Variants in SPATA17 observed in about 807,000 individuals in gnomAD.
The protein encoded by SPATA17 is spermatogenesis-associated protein 17.
A neutral mutation model predicts 62.2 loss-of-function variants in SPATA17; 53 were observed. The observed-to-expected ratio is 0.85, with a 90% CI of 0.68 to 1.07. SPATA17 has a LOEUF of 1.07. SPATA17 is among the 50% of genes least tolerant of loss of function. The pLI, the probability that SPATA17 is intolerant of heterozygous loss-of-function variation, is 0.00. For missense variants in SPATA17, 466 were observed against 425.5 expected (o/e 1.10, Z -0.84); for synonymous variants, 146 against 146.8 (o/e 0.99, Z 0.04).
chr1:217,775,567 G>A, intron 7 of SPATA17, among the ~76,000 whole-genome samples: 2 of 152,014 alleles, frequency 1.3e-5, no homozygotes, highest in East Asian at 3.9e-4. Flanking sequence ...GCTGGACATG[G>A]TGGTGCACCC....
chr1:217,783,971 GT>G (rs1460752982), intron 8 of SPATA17, among the ~76,000 whole-genome samples: 1 of 151,792 alleles, frequency 6.6e-6, no homozygotes, highest in African/African-American at 2.4e-5. Context: ...AAAAAACCAA[GT>G]TGCAGATGCT....
chr1:217,727,905 T>C (rs192091659), intron 5 of SPATA17, among the ~76,000 whole-genome samples: 1 of 152,316 alleles, frequency 6.6e-6, no homozygotes, highest in Admixed American at 6.5e-5. Flanking sequence ...TGTCATAAAG[T>C]TGTTTAAATG....
chr1:217,693,542 T>C lies in SPATA17; in HGVS notation c.395+10181T>C, dbSNP rs1671388591. On this transcript the variant is annotated intron_variant, in intron 5 of 10. Transcript: ENST00000366933. The stretch of plus-strand genomic sequence containing the variant: ...TTCTTGCCTTCTGCTAGCTTTTGAA[T>C]GTGTTTGCTCTTGCTTTTCTAGTTC... 2.3e-5 allele frequency among the ~76,000 whole-genome samples: 3 copies of C among 133,186 alleles called. No individual in the cohort carries two copies. The Admixed American group carries it at 2.4e-4, about 11-fold the overall frequency. 87.4% of individuals were successfully genotyped at this position (133,186 alleles called of 152,430 possible). A position where few individuals can be genotyped will look rare whatever the true frequency, so the allele number is the denominator to read the frequency against.
intron 2 of SPATA17, among the ~76,000 whole-genome samples, chr1:217,650,064 C>T (rs1288376778): frequency 6.0e-5 from 9 of 151,144 alleles, no homozygotes; most frequent in East Asian, 3.9e-4. Flanking sequence ...CTCAGCCTCT[C>T]GGGTAGCTGG....
chr1:217,665,609 C>G (rs987670309), intron 3 of SPATA17: 2 of 152,142 alleles, frequency 1.3e-5, no homozygotes, highest in African/African-American at 4.8e-5. Flanking sequence ...GGACTGGGTT[C>G]TCAGAAGTTT....
chr1:217,674,812 T>C (rs911256700), intron 4 of SPATA17, among the ~76,000 whole-genome samples: 1 of 152,304 alleles, frequency 6.6e-6, no homozygotes, highest in East Asian at 1.9e-4. Context: ...GTGGAGCAGA[T>C]GCCTGAAAGT....
At chr1:217,757,044 C>T (rs369882341) in intron 6 of SPATA17, among the ~76,000 whole-genome samples, 3 of 152,152 alleles carry the variant, frequency 2.0e-5, no homozygotes, top group South Asian at 2.1e-4. Context: ...AATGATAAAA[C>T]GGAAGATTCA....
chr1:217,682,591 T>C (rs1395407286), intron 4 of SPATA17, among the ~76,000 whole-genome samples: 1 of 152,160 alleles, frequency 6.6e-6, no homozygotes, highest in East Asian at 1.9e-4. Flanking sequence ...TCCTAATAGC[T>C]GTATAATTAT....
At chr1:217,861,236 A>T (rs1487000569) in intron 9 of SPATA17, among the ~76,000 whole-genome samples, 3 of 151,996 alleles carry the variant, frequency 2.0e-5, no homozygotes, top group African/African-American at 7.2e-5. Flanking sequence ...AATAAGAAAA[A>T]TAAAAGGTTT....
chr1:217,834,112 A>T (rs1318794531), intron 9 of SPATA17, among the ~76,000 whole-genome samples: 1 of 152,162 alleles, frequency 6.6e-6, no homozygotes, highest in Non-Finnish European at 1.5e-5. Context: ...AAGCTTAAAC[A>T]TCACGTAGAG....
At chr1:217,756,197 A>T (rs1673038057) in intron 6 of SPATA17, among the ~76,000 whole-genome samples, 1 of 152,146 alleles carries the variant, frequency 6.6e-6, no homozygotes, top group South Asian at 2.1e-4. Flanking sequence ...GGCAGCTTTT[A>T]TTTTAATTCC....
At chr1:217,778,164 A>C (rs1269556409) in intron 7 of SPATA17, among the ~76,000 whole-genome samples, 1 of 152,160 alleles carries the variant, frequency 6.6e-6, no homozygotes, top group Non-Finnish European at 1.5e-5. Flanking sequence ...AAATGTATTA[A>C]CTACTCAAAA....
At chr1:217,845,615 C>G (rs1675505712) in intron 9 of SPATA17, among the ~76,000 whole-genome samples, 1 of 151,900 alleles carries the variant, frequency 6.6e-6, no homozygotes, top group Non-Finnish European at 1.5e-5. Flanking sequence ...CATTCGTTAC[C>G]CTGAACTTTC....
rs58138326 is a variant in SPATA17 at position 217,705,430 on chromosome 1, C to CTTTTTTTTTTTTTTTT, written c.395+22082_395+22097dup. Reference sequence around the variant, plus strand: ...TTTATCTCAATTAGATTCTAGTTGTCTTTTTTTTTTTTTTTTTTTTTTTTT... The same window carrying CTTTTTTTTTTTTTTTT: ...TTTATCTCAATTAGATTCTAGTTGTCTTTTTTTTTTTTTTTTTTTTTTTTTTTTTTTTTTTTTTTTT... On this transcript the variant is annotated intron_variant, in intron 5 of 10. Coordinates refer to ENST00000366933, the MANE Select transcript of SPATA17 (RefSeq NM_138796.4). Among the ~76,000 whole-genome samples the CTTTTTTTTTTTTTTTT allele has an allele frequency of 1.1e-4, 5 of 46,628 alleles. 2 individuals carry two copies. Among genetic ancestry groups the CTTTTTTTTTTTTTTTT allele is most frequent in the African/African-American group, 4.3e-4 (5 of 11,530 alleles). 30.6% of individuals were successfully genotyped at this position (46,628 alleles called of 152,430 possible).
chr1:217,792,906 C>G (rs1674033637), intron 8 of SPATA17, among the ~76,000 whole-genome samples: 1 of 151,982 alleles, frequency 6.6e-6, no homozygotes. Flanking sequence ...GGATGATGTT[C>G]TGACTTATCT....
chr1:217,699,740 A>G (rs999643693), intron 5 of SPATA17, among the ~76,000 whole-genome samples: 1 of 152,094 alleles, frequency 6.6e-6, no homozygotes, highest in Admixed American at 6.6e-5. Flanking sequence ...ATTTCCTTCT[A>G]TGAATCATTA....
intron 8 of SPATA17, among the ~76,000 whole-genome samples, chr1:217,797,869 T>C (rs995973266): frequency 6.6e-6 from 1 of 152,170 alleles, no homozygotes; most frequent in African/African-American, 2.4e-5. Flanking sequence ...GTTTTGAACA[T>C]TACTAAGCTC....
chr1:217,794,388 A>G (rs1674083677), intron 8 of SPATA17, among the ~76,000 whole-genome samples: 1 of 152,164 alleles, frequency 6.6e-6, no homozygotes. Flanking sequence ...TGGTGATCTC[A>G]TACAAAAGCT....
intron 5 of SPATA17, among the ~76,000 whole-genome samples, chr1:217,729,098 A>G (rs1414873052): frequency 3.9e-5 from 6 of 152,238 alleles, no homozygotes; most frequent in Non-Finnish European, 8.8e-5. Context: ...TTGCATATTT[A>G]CTAAATGCGG....
Sources: allele counts gnomAD v4.1 joint callset (sites outside exome capture counted in the v4.1 genomes callset), GRCh38; gene constraint gnomAD v4.1.1; transcripts MANE v1.5; gene names NCBI Gene and HGNC (gene_info 2026-07-23, HGNC 2026-07-21).